The following NUP54 variants were observed in gnomAD, a reference collection of about 807,000 sequenced individuals.
The protein encoded by NUP54 is nucleoporin p54.
A neutral mutation model predicts 66.4 loss-of-function variants in NUP54; 27 were observed. The observed-to-expected ratio is 0.41, with a 90% CI of 0.30 to 0.56. NUP54 has a LOEUF of 0.56. Among genes scored for constraint, NUP54 ranks in the 20% least tolerant of loss-of-function variants. The probability of loss-of-function intolerance (pLI) is 0.34; values close to 1 mark genes in which losing one functional copy is unlikely to be tolerated. For missense variants in NUP54, 486 were observed against 596.3 expected (o/e 0.82, Z 1.93); for synonymous variants, 206 against 210.7 (o/e 0.98, Z 0.19).
In NUP54 at chr4:76,125,639, G is replaced by A. The variant is rs185761300; in HGVS notation, c.1057-883C>T. 5.6e-4 allele frequency among the ~76,000 whole-genome samples: 21 copies of A among 37,416 alleles called. 1 individual carries two copies. In the East Asian group the frequency reaches 0.021, roughly 37 times the overall value. The allele number at this position is 37,416 out of a possible 152,430, so 24.5% of individuals were successfully genotyped here. On this transcript the variant is annotated intron_variant, in intron 8 of 11. Coordinates refer to ENST00000264883, the MANE Select transcript of NUP54 (RefSeq NM_017426.4). ...AAGAGGGAGAGGGAGAGGGGGAGAG[G>A]GGGAGAGGGGGAGAGGGAGAGAGGG... is the stretch of plus-strand genomic sequence containing the variant.
chr4:76,148,004 G>C, intron 1 of NUP54: 1 of 380,234 alleles, frequency 2.6e-6, no homozygotes, highest in Non-Finnish European at 4.7e-6. Flanking sequence ...GGCAAGGGGA[G>C]AGGGAAGCAA....
chr4:76,124,529 G>T, intron 9 of NUP54, 120 bp downstream of exon 9: 1 of 437,670 alleles, frequency 2.3e-6, no homozygotes. Flanking sequence ...TTCGGTACTT[G>T]TAATTTCACA....
intron 9 of NUP54, among the ~76,000 whole-genome samples, chr4:76,122,810 C>T (rs1042930166): frequency 6.6e-6 from 1 of 152,084 alleles, no homozygotes; most frequent in African/African-American, 2.4e-5. Flanking sequence ...CCAAAATGTC[C>T]ATCAATTGAG....
intron 8 of NUP54, among the ~76,000 whole-genome samples, chr4:76,126,486 T>C (rs1730544671): frequency 6.6e-6 from 1 of 152,224 alleles, no homozygotes; most frequent in South Asian, 2.1e-4. Flanking sequence ...TGTTTTATAT[T>C]ACAAAACCTA....
rs568136526 is a variant in NUP54 at position 76,116,187 on chromosome 4, AATAC to A, written c.1396-697_1396-694del. 2.2e-3 allele frequency among the ~76,000 whole-genome samples: 340 copies of A among 152,326 alleles called. 1 individual carries two copies. Among genetic ancestry groups the A allele is most frequent in the African/African-American group, 7.7e-3 (320 of 41,572 alleles). ...TTTATTGCATATATCAACTCTATTT[AATAC>A]AACTATTTATTTCAATATACTGGAA... On this transcript the variant is annotated intron_variant, in intron 11 of 11. Transcript: ENST00000264883.
At chr4:76,138,426 C>T (rs1419958270) in intron 3 of NUP54, among the ~76,000 whole-genome samples, 1 of 152,176 alleles carries the variant, frequency 6.6e-6, no homozygotes, top group Non-Finnish European at 1.5e-5. Context: ...ACAACACAGT[C>T]TCTCTTGGTT....
At chr4:76,122,406 C>T (rs1263368050) in intron 9 of NUP54, among the ~76,000 whole-genome samples, 1 of 152,152 alleles carries the variant, frequency 6.6e-6, no homozygotes, top group Non-Finnish European at 1.5e-5. Flanking sequence ...CCCCAAGCCC[C>T]TTGTAGTCAC....
chr4:76,139,609 C>G (rs1173481322), intron 3 of NUP54, among the ~76,000 whole-genome samples: 1 of 151,850 alleles, frequency 6.6e-6, no homozygotes, highest in African/African-American at 2.4e-5. Flanking sequence ...TCAAACAAAC[C>G]AAATAAGAAA....
chr4:76,118,014 A>C, intron 10 of NUP54, 61 bp downstream of exon 10: 1 of 1,549,460 alleles, frequency 6.5e-7, no homozygotes, highest in Non-Finnish European at 8.8e-7. Context: ...AGATTACATA[A>C]CTTTTTGTCT....
intron 8 of NUP54, among the ~76,000 whole-genome samples, chr4:76,130,259 G>A (rs905640611): frequency 6.6e-6 from 1 of 151,798 alleles, no homozygotes; most frequent in Admixed American, 6.6e-5. Context: ...TCTACTTTAT[G>A]AAATAAAATA....
At position 76,134,301 on chromosome 4, in the gene NUP54, A is replaced by T; in HGVS notation, c.584T>A (p.Phe195Tyr). Residue 195 changes from phenylalanine (F) to tyrosine (Y), a missense_variant, in exon 5 of 12, where the codon TTC becomes TAC. Around this residue, in one of 4 missense-constraint regions of NUP54, gnomAD observed 217 missense variants for 247.9 expected, o/e 0.88. Coordinates refer to ENST00000264883, the MANE Select transcript of NUP54 (RefSeq NM_017426.4). Reference protein sequence around the residue: ...KDEDGLVVLVFNKKETEIRSQ... With the variant: ...KDEDGLVVLVYNKKETEIRSQ... ...TCGAATCTCTGTTTCTTTTTTGTTG[A>T]AAACTAAAACCACTAGCCCATCTTC... 5 of 1,613,792 alleles carry T rather than the reference A, an allele frequency of 3.1e-6. No individual in the cohort carries two copies. Among genetic ancestry groups the T allele is most frequent in the Non-Finnish European group, 4.2e-6 (5 of 1,179,842 alleles).
At chr4:76,139,381 C>T (rs116910298) in intron 3 of NUP54, among the ~76,000 whole-genome samples, 5 of 152,152 alleles carry the variant, frequency 3.3e-5, no homozygotes, top group East Asian at 3.9e-4. Context: ...AAAAAGCAAA[C>T]GTCAAGTCCC....
intron 8 of NUP54, among the ~76,000 whole-genome samples, chr4:76,125,580 A>G (rs1244517019): frequency 7.8e-6 from 1 of 128,368 alleles, no homozygotes; most frequent in Non-Finnish European, 1.6e-5. Flanking sequence ...GGTTGCAGTG[A>G]GCCGTGATCA....
chr4:76,146,622 C>G (rs1560694919), intron 1 of NUP54, among the ~76,000 whole-genome samples: 1 of 152,094 alleles, frequency 6.6e-6, no homozygotes, highest in Non-Finnish European at 1.5e-5. Context: ...GGCATGGGCA[C>G]AAGAGGCATA....
intron 7 of NUP54, 121 bp downstream of exon 7, chr4:76,131,109 A>G: frequency 2.8e-6 from 2 of 708,070 alleles, no homozygotes; most frequent in Non-Finnish European, 4.9e-6. Flanking sequence ...TATTTTTTAA[A>G]GGCCAGGAAA....
At chr4:76,145,822 G>A (rs1461030620) in intron 1 of NUP54, 1 of 254,800 alleles carries the variant, frequency 3.9e-6, no homozygotes, top group Non-Finnish European at 7.7e-6. Flanking sequence ...AATACAAGAA[G>A]AAAAACATGC....
chr4:76,134,511 C>T (rs147771772), intron 4 of NUP54, 149 bp from the exon 5 acceptor site: 7,314 of 668,110 alleles, frequency 0.011, 50 homozygotes, highest in Middle Eastern at 0.03. Flanking sequence ...CCATTTTGTG[C>T]CCTAGGAGGT....
At chr4:76,145,173 C>G (rs1731434971) in intron 1 of NUP54, among the ~76,000 whole-genome samples, 1 of 151,674 alleles carries the variant, frequency 6.6e-6, no homozygotes, top group Admixed American at 6.6e-5. Flanking sequence ...AAAAAATTAG[C>G]CGGGCGTGGC....
At chr4:76,120,663 G>A (rs1337248535) in intron 9 of NUP54, among the ~76,000 whole-genome samples, 1 of 151,972 alleles carries the variant, frequency 6.6e-6, no homozygotes, top group African/African-American at 2.4e-5. Flanking sequence ...TCCTGACCTC[G>A]TGATCCACCC....
Sources: gnomAD v4.1 joint callset for allele counts (sites outside exome capture counted in the v4.1 genomes callset) on GRCh38, gnomAD v4.1.1 for gene constraint, gnomAD v4.1.1 regional missense constraint, MANE v1.5 for transcripts, NCBI Gene and HGNC (gene_info 2026-07-23, HGNC 2026-07-21) for gene names.